Variants in KHDRBS2 observed in about 807,000 individuals in gnomAD.
KHDRBS2 encodes the protein KH domain-containing, RNA-binding, signal transduction-associated protein 2.
In KHDRBS2, 26 loss-of-function variants were observed where a neutral mutation model predicts 44.3. The ratio of observed to expected loss-of-function variants is 0.59; its 90% CI spans 0.43 to 0.81. The LOEUF is 0.81. Among genes scored for constraint, KHDRBS2 ranks in the 40% least tolerant of loss-of-function variants. The pLI is 0.00. For missense variants in KHDRBS2, 476 were observed against 433.1 expected (o/e 1.10, Z -0.88); for synonymous variants, 194 against 151.1 (o/e 1.28, Z -2.08).
At chr6:62,197,606 T>C (rs528282484) in intron 1 of KHDRBS2, among the ~76,000 whole-genome samples, 3 of 152,172 alleles carry the variant, frequency 2.0e-5, no homozygotes, top group African/African-American at 7.2e-5. Flanking sequence ...GAAATCCCTC[T>C]AGTGTGTCTA....
At chr6:62,194,163 C>T (rs1825152623) in intron 1 of KHDRBS2, among the ~76,000 whole-genome samples, 1 of 152,050 alleles carries the variant, frequency 6.6e-6, no homozygotes, top group South Asian at 2.1e-4. Context: ...TAGTGGCAAA[C>T]ATACTTCTAT....
intron 6 of KHDRBS2, among the ~76,000 whole-genome samples, chr6:61,783,846 G>A (rs1358424387): frequency 1.3e-5 from 2 of 152,044 alleles, no homozygotes; most frequent in Non-Finnish European, 2.9e-5. Flanking sequence ...ACTACTGACT[G>A]TTGTATTAGG....
intron 6 of KHDRBS2, among the ~76,000 whole-genome samples, chr6:61,806,933 TTTAA>T (rs1562220361): frequency 6.6e-6 from 1 of 152,176 alleles, no homozygotes; most frequent in African/African-American, 2.4e-5. Context: ...ACTCACTGTC[TTTAA>T]TTATGTCAAA....
At chr6:61,861,566 G>A (rs538730034) in intron 6 of KHDRBS2, among the ~76,000 whole-genome samples, 1 of 150,778 alleles carries the variant, frequency 6.6e-6, no homozygotes. Flanking sequence ...CTGTTCCATT[G>A]GTCTATGTGT....
the KHDRBS2 span, among the ~76,000 whole-genome samples, chr6:61,591,818 G>C: frequency 6.6e-6 from 1 of 152,214 alleles, no homozygotes; most frequent in South Asian, 2.1e-4. Flanking sequence ...ATCAAAGCAG[G>C]GAAGGGGTCA....
intron 3 of KHDRBS2, among the ~76,000 whole-genome samples, chr6:62,014,098 A>C (rs902056946): frequency 2.0e-5 from 3 of 152,186 alleles, no homozygotes; most frequent in Non-Finnish European, 2.9e-5. Flanking sequence ...AATATTGTTA[A>C]AACATGAGAT....
chr6:62,252,530 T>C (rs1455865646), intron 1 of KHDRBS2, among the ~76,000 whole-genome samples: 1 of 151,986 alleles, frequency 6.6e-6, no homozygotes, highest in Non-Finnish European at 1.5e-5. Context: ...GATTATGTAC[T>C]CCTTGAGCTA....
At chr6:61,958,031 C>G (rs1767805205) in intron 4 of KHDRBS2, among the ~76,000 whole-genome samples, 1 of 152,040 alleles carries the variant, frequency 6.6e-6, no homozygotes, top group African/African-American at 2.4e-5. Context: ...GCCCTATAAT[C>G]ATCATTATTA....
the KHDRBS2 span, among the ~76,000 whole-genome samples, chr6:61,555,696 T>C: frequency 1.3e-5 from 2 of 152,214 alleles, no homozygotes; most frequent in African/African-American, 4.8e-5. Flanking sequence ...TTCGCTTGCT[T>C]GTATCTTCTT....
In KHDRBS2 at chr6:61,827,134, T is replaced by A. The variant is rs544118602; in HGVS notation, c.810+67501A>T. On this transcript the variant is annotated intron_variant, in intron 6 of 8. Coordinates refer to ENST00000281156, the MANE Select transcript of KHDRBS2 (RefSeq NM_152688.4). Reference sequence around the variant, plus strand: ...GGGAAGCATATTTAGAACAAACAAATGTAAGTTATAGTTTCACCCATTAGG... The same window carrying A: ...GGGAAGCATATTTAGAACAAACAAAAGTAAGTTATAGTTTCACCCATTAGG... Among the ~76,000 whole-genome samples, 146 of 152,288 alleles carry A rather than the reference T, an allele frequency of 9.6e-4. 1 individual carries two copies. Among genetic ancestry groups the A allele is most frequent in the African/African-American group, 3.3e-3 (139 of 41,560 alleles).
chr6:61,645,007 C>A, the KHDRBS2 span, among the ~76,000 whole-genome samples: 49 of 152,198 alleles, frequency 3.2e-4, no homozygotes, highest in African/African-American at 1.1e-3. Flanking sequence ...CATAAAGACA[C>A]ATGCATGCCA....
intron 6 of KHDRBS2, among the ~76,000 whole-genome samples, chr6:61,758,515 T>G (rs559185284): frequency 6.6e-6 from 1 of 152,120 alleles, no homozygotes; most frequent in East Asian, 1.9e-4. Flanking sequence ...TAAATGTTTG[T>G]GGAATTTGAA....
At chr6:61,863,140 C>T (rs1797250621) in intron 6 of KHDRBS2, among the ~76,000 whole-genome samples, 2 of 151,812 alleles carry the variant, frequency 1.3e-5, no homozygotes, top group African/African-American at 4.8e-5. Flanking sequence ...ATCCCCCTTA[C>T]CATTTCTGGT....
intron 6 of KHDRBS2, among the ~76,000 whole-genome samples, chr6:61,805,703 G>A (rs1057469325): frequency 6.6e-6 from 1 of 152,076 alleles, no homozygotes; most frequent in Non-Finnish European, 1.5e-5. Context: ...CAGAGTGAAG[G>A]GGGCTAAAGT....
the KHDRBS2 span, among the ~76,000 whole-genome samples, chr6:61,623,947 T>C: frequency 9.9e-4 from 151 of 152,312 alleles, 1 homozygote; most frequent in African/African-American, 3.3e-3. Context: ...CACCTGGTTA[T>C]CTACTTTGTA....
At chr6:62,225,164 T>A (rs1831550354) in intron 1 of KHDRBS2, among the ~76,000 whole-genome samples, 2 of 152,178 alleles carry the variant, frequency 1.3e-5, no homozygotes, top group Non-Finnish European at 2.9e-5. Flanking sequence ...AAATAAATGA[T>A]CTAGCTCAGC....
At chr6:62,214,881 T>A (rs1449377237) in intron 1 of KHDRBS2, among the ~76,000 whole-genome samples, 2 of 152,006 alleles carry the variant, frequency 1.3e-5, no homozygotes, top group Admixed American at 1.3e-4. Flanking sequence ...AAAGCTTTTG[T>A]CTCTTCTATC....
chr6:61,931,000 C>T (rs1261637182), intron 4 of KHDRBS2, among the ~76,000 whole-genome samples: 1 of 151,942 alleles, frequency 6.6e-6, no homozygotes, highest in African/African-American at 2.4e-5. Flanking sequence ...ATAAGCAACT[C>T]TTCTGCATAT....
At position 62,187,051 on chromosome 6, in the gene KHDRBS2, T is replaced by C. The variant is rs545520131; in HGVS notation, c.92-9739A>G. Among the ~76,000 whole-genome samples the C allele has an allele frequency of 6.6e-5, 10 of 152,250 alleles. No individual in the cohort carries two copies. The East Asian group carries it at 7.8e-4, about 12-fold the overall frequency. On this transcript the variant is annotated intron_variant, in intron 1 of 8. Transcript: ENST00000281156. ...CATAAGAAAAGTAGCAGATCTTACA[T>C]TGATATTCCACTTTGTGTGTCAGAG...
Sources: allele counts gnomAD v4.1 joint callset (sites outside exome capture counted in the v4.1 genomes callset), GRCh38; gene constraint gnomAD v4.1.1; transcripts MANE v1.5; gene names NCBI Gene and HGNC (gene_info 2026-07-23, HGNC 2026-07-21).